The following UBR3 variants were observed in gnomAD, a reference collection of about 807,000 sequenced individuals.
UBR3 encodes E3 ubiquitin-protein ligase UBR3.
A neutral mutation model predicts 243.2 loss-of-function variants in UBR3; 85 were observed. That is an observed-to-expected ratio of 0.35 (90% CI 0.29 to 0.42). The LOEUF (loss-of-function observed/expected upper bound fraction) is 0.42, where lower values mean the gene tolerates loss of function less well. Among genes scored for constraint, UBR3 ranks in the 10% least tolerant of loss-of-function variants. The probability of loss-of-function intolerance (pLI) is 1.00; values close to 1 mark genes in which losing one functional copy is unlikely to be tolerated. For synonymous variants in UBR3, 748 were observed against 799.8 expected, an observed-to-expected ratio of 0.94 and a Z score of 1.09; for missense variants, 1,686 against 2,300.8, an observed-to-expected ratio of 0.73 and a Z score of 5.47.
intron 8 of UBR3, among the ~76,000 whole-genome samples, chr2:169,903,080 C>T (rs1482177883): frequency 6.6e-6 from 1 of 152,166 alleles, no homozygotes; most frequent in Non-Finnish European, 1.5e-5. Context: ...TAGTTGAAAA[C>T]TTGACCCTTA....
At chr2:169,966,755 C>T (rs552026161) in intron 24 of UBR3, among the ~76,000 whole-genome samples, 85 of 152,168 alleles carry the variant, frequency 5.6e-4, no homozygotes, top group African/African-American at 1.9e-3. Context: ...GTCAAATGTA[C>T]GTACATTTAA....
intron 33 of UBR3, among the ~76,000 whole-genome samples, chr2:170,056,228 G>A (rs1365521904): frequency 2.0e-5 from 3 of 151,860 alleles, no homozygotes; most frequent in Non-Finnish European, 4.4e-5. Context: ...GGCTGGTCTT[G>A]AACTCCTGAC....
At chr2:170,068,929 T>A (rs1039441734) in intron 35 of UBR3, among the ~76,000 whole-genome samples, 3 of 152,224 alleles carry the variant, frequency 2.0e-5, no homozygotes, top group African/African-American at 7.2e-5. Context: ...AAAATCTGAA[T>A]ATATGTATAT....
intron 24 of UBR3, among the ~76,000 whole-genome samples, chr2:169,968,972 C>T (rs1029146687): frequency 8.6e-5 from 13 of 151,894 alleles, no homozygotes; most frequent in Non-Finnish European, 1.9e-4. Context: ...TTTTATATGC[C>T]TGTTTGGCCA....
At chr2:169,832,308 TG>T (rs1449257786) in intron 1 of UBR3, among the ~76,000 whole-genome samples, 1 of 152,132 alleles carries the variant, frequency 6.6e-6, no homozygotes, top group African/African-American at 2.4e-5. Context: ...CCCAGCACTT[TG>T]GGAGGCCGAG....
intron 1 of UBR3, among the ~76,000 whole-genome samples, chr2:169,838,387 T>TGTGTGTGTG (rs2082179340): frequency 1.7e-5 from 2 of 114,392 alleles, no homozygotes; most frequent in African/African-American, 6.5e-5. Flanking sequence ...ATTAAGGCAT[T>TGTGTGTGTG]TGTGTGTGTG....
At chr2:170,000,597 A>G (rs558059710) in intron 26 of UBR3, among the ~76,000 whole-genome samples, 35 of 152,334 alleles carry the variant, frequency 2.3e-4, no homozygotes, top group African/African-American at 8.4e-4. Context: ...TGGAGAAGAT[A>G]ACAATTTACG....
chr2:170,011,742 A>G (rs958779880), intron 29 of UBR3, among the ~76,000 whole-genome samples: 2 of 151,694 alleles, frequency 1.3e-5, no homozygotes, highest in Non-Finnish European at 2.9e-5. Flanking sequence ...TGGAAAATCC[A>G]TTCAAATTTA....
intron 7 of UBR3, among the ~76,000 whole-genome samples, chr2:169,895,828 A>G (rs1156949109): frequency 6.6e-6 from 1 of 152,160 alleles, no homozygotes; most frequent in Non-Finnish European, 1.5e-5. Context: ...ACCTGTTACT[A>G]TCTTACGGTT....
chr2:169,852,872 A>C (rs924487831), intron 1 of UBR3, among the ~76,000 whole-genome samples: 1 of 145,074 alleles, frequency 6.9e-6, no homozygotes, highest in South Asian at 2.2e-4. Flanking sequence ...AAAAAAAAAA[A>C]AAAAAACAAA....
At chr2:169,891,274 T>A in intron 6 of UBR3, 43 bp downstream of exon 6, 2 of 1,457,056 alleles carry the variant, frequency 1.4e-6, no homozygotes, top group Non-Finnish European at 1.9e-6. Flanking sequence ...ATAAAATGCT[T>A]CTAAAAAATG....
chr2:169,881,679 T>C (rs2105316773), intron 5 of UBR3, among the ~76,000 whole-genome samples: 1 of 135,838 alleles, frequency 7.4e-6, no homozygotes, highest in South Asian at 2.2e-4. Context: ...TTTATATATA[T>C]ATATACACAT....
At chr2:169,899,690 C>T (rs1040374017) in intron 8 of UBR3, among the ~76,000 whole-genome samples, 7 of 152,008 alleles carry the variant, frequency 4.6e-5, no homozygotes, top group African/African-American at 7.3e-5. Context: ...GTGATGTCCG[C>T]CTCCCTGTGT....
chr2:169,955,863 C>G (rs1036441467), intron 23 of UBR3, among the ~76,000 whole-genome samples: 3 of 149,454 alleles, frequency 2.0e-5, no homozygotes, highest in Non-Finnish European at 4.4e-5. Flanking sequence ...CCAAGGAGTC[C>G]TGGTTGCTTT....
chr2:169,867,238 T>C (rs1285829017), intron 1 of UBR3, among the ~76,000 whole-genome samples: 1 of 152,324 alleles, frequency 6.6e-6, no homozygotes. Context: ...AAAATGTTTT[T>C]CTTCTTATAT....
intron 19 of UBR3, among the ~76,000 whole-genome samples, chr2:169,936,873 A>T (rs1317565340): frequency 4.6e-5 from 7 of 151,786 alleles, no homozygotes; most frequent in Non-Finnish European, 1.0e-4. Flanking sequence ...ATGGCTGCAT[A>T]GGATTCCACG....
rs967500227 is a variant in UBR3, at chr2:170,083,939, A to T, written c.*2096A>T. 6.6e-6 allele frequency: 1 copy of T among 152,584 alleles called. No individual in the cohort carries two copies. The highest frequency in any genetic ancestry group is 1.5e-5 in the Non-Finnish European group (1 of 68,000). 9.5% of individuals were successfully genotyped at this position (152,584 alleles called of 1,614,324 possible). ...AAAATAACAGGTCCAAGTTAGAGTG[A>T]TGTGTGTATATTATTCAAAAAAATG... On this transcript the variant is annotated 3_prime_UTR_variant, in exon 39 of 39. Transcript: ENST00000272793.
At chr2:169,892,621 A>G (rs2084419758) in intron 6 of UBR3, among the ~76,000 whole-genome samples, 1 of 152,212 alleles carries the variant, frequency 6.6e-6, no homozygotes, top group Non-Finnish European at 1.5e-5. Context: ...AAGTATGTAC[A>G]TGGAAGGAAT....
chr2:170,041,141 G>A (rs916196143), intron 32 of UBR3, among the ~76,000 whole-genome samples, 156 bp downstream of exon 32: 6 of 152,176 alleles, frequency 3.9e-5, no homozygotes, highest in African/African-American at 1.2e-4. Context: ...ACAGGAGCTC[G>A]AGACCAGCCT....
Sources: allele counts gnomAD v4.1 joint callset (sites outside exome capture counted in the v4.1 genomes callset), GRCh38; gene constraint gnomAD v4.1.1; transcripts MANE v1.5; gene names NCBI Gene and HGNC (gene_info 2026-07-23, HGNC 2026-07-21).